The following GPHN variants were observed in gnomAD, a reference collection of about 807,000 sequenced individuals.
GPHN encodes gephyrin.
A neutral mutation model predicts 95.5 loss-of-function variants in GPHN; 17 were observed. That is an observed-to-expected ratio of 0.18 (90% CI 0.12 to 0.27). The LOEUF (loss-of-function observed/expected upper bound fraction) is 0.27, where lower values mean the gene tolerates loss of function less well. Among genes scored for constraint, GPHN ranks in the 10% least tolerant of loss-of-function variants. The pLI is 1.00. For missense variants in GPHN, 660 were observed against 978.1 expected (o/e 0.67, Z 4.34); for synonymous variants, 320 against 322.5 (o/e 0.99, Z 0.08).
At chr14:66,708,357 A>G (rs994967836) in intron 2 of GPHN, among the ~76,000 whole-genome samples, 3 of 152,296 alleles carry the variant, frequency 2.0e-5, no homozygotes, top group East Asian at 3.9e-4. Context: ...TTCAATCTCC[A>G]TGCTTCCACA....
chr14:67,689,912 T>C, the GPHN span, among the ~76,000 whole-genome samples: 5 of 151,628 alleles, frequency 3.3e-5, no homozygotes, highest in African/African-American at 1.2e-4. Flanking sequence ...ACCATTGCAC[T>C]CCAGCATGGG....
intron 9 of GPHN, among the ~76,000 whole-genome samples, chr14:66,967,943 G>A (rs987785307): frequency 2.0e-5 from 3 of 151,804 alleles, no homozygotes; most frequent in Admixed American, 6.6e-5. Flanking sequence ...CACTTTAAAG[G>A]CAGGTGTCAC....
chr14:67,233,022 T>C, the GPHN span, among the ~76,000 whole-genome samples: 2 of 151,882 alleles, frequency 1.3e-5, no homozygotes, highest in Non-Finnish European at 2.9e-5. Context: ...TTCTGGAAAA[T>C]AGAAAAAAAA....
intron 2 of GPHN, among the ~76,000 whole-genome samples, chr14:66,718,891 G>A (rs979296754): frequency 6.6e-6 from 1 of 152,140 alleles, no homozygotes; most frequent in South Asian, 2.1e-4. Context: ...CAGCTGCTGT[G>A]GGGGATGGGG....
At chr14:66,795,478 T>C (rs2060122128) in intron 3 of GPHN, among the ~76,000 whole-genome samples, 1 of 152,172 alleles carries the variant, frequency 6.6e-6, no homozygotes, top group Non-Finnish European at 1.5e-5. Flanking sequence ...CCTTTTTCTC[T>C]TACTTCCTTA....
intron 2 of GPHN, among the ~76,000 whole-genome samples, chr14:66,698,258 A>C (rs1446743303): frequency 6.6e-6 from 1 of 152,112 alleles, no homozygotes; most frequent in Non-Finnish European, 1.5e-5. Context: ...GAGCATTTCA[A>C]AATGGAGAAA....
the GPHN span, among the ~76,000 whole-genome samples, chr14:67,539,127 T>C: frequency 2.0e-5 from 3 of 152,236 alleles, no homozygotes. Flanking sequence ...GTCTCAGATC[T>C]GCCACTTTTC....
At chr14:66,828,348 T>C (rs200276126) in intron 4 of GPHN, among the ~76,000 whole-genome samples, 2 of 152,212 alleles carry the variant, frequency 1.3e-5, no homozygotes, top group East Asian at 3.9e-4. Flanking sequence ...ATAATATTGA[T>C]GTGTCAGAAA....
At chr14:67,641,050 A>C in the GPHN span, among the ~76,000 whole-genome samples, 1 of 152,248 alleles carries the variant, frequency 6.6e-6, no homozygotes, top group East Asian at 1.9e-4. Flanking sequence ...ACTGCCTATC[A>C]GTAGCATATA....
intron 2 of GPHN, among the ~76,000 whole-genome samples, chr14:66,719,721 G>A (rs1479448562): frequency 6.6e-6 from 1 of 152,126 alleles, no homozygotes; most frequent in Non-Finnish European, 1.5e-5. Context: ...CCATGTCATG[G>A]TGAAGAGATT....
intron 5 of GPHN, among the ~76,000 whole-genome samples, chr14:66,889,970 G>C (rs2064390192): frequency 6.6e-6 from 1 of 152,088 alleles, no homozygotes; most frequent in African/African-American, 2.4e-5. Flanking sequence ...GACTAGAAGA[G>C]TACAGCGTAA....
At chr14:66,989,164 CTT>C (rs549591344) in intron 9 of GPHN, among the ~76,000 whole-genome samples, 17 of 151,888 alleles carry the variant, frequency 1.1e-4, no homozygotes, top group Non-Finnish European at 2.1e-4. Context: ...TTGAGCTACT[CTT>C]TGTTTTCTGC....
the GPHN span, among the ~76,000 whole-genome samples, chr14:67,419,982 TG>T: frequency 6.9e-3 from 1,056 of 152,326 alleles, 2 homozygotes; most frequent in Non-Finnish European, 0.012. Context: ...CTCTGATTCT[TG>T]GGTTGGGAAA....
At chr14:67,361,814 CG>C in the GPHN span, among the ~76,000 whole-genome samples, 2 of 152,106 alleles carry the variant, frequency 1.3e-5, no homozygotes, top group Non-Finnish European at 2.9e-5. Flanking sequence ...GATTTGATGT[CG>C]GATTACTTGA....
At chr14:67,059,209 G>A (rs1233050353) in intron 11 of GPHN, among the ~76,000 whole-genome samples, 1 of 151,918 alleles carries the variant, frequency 6.6e-6, no homozygotes, top group Non-Finnish European at 1.5e-5. Context: ...TGGAAAACCT[G>A]TATTTAAATG....
At chr14:66,955,311 C>T (rs2068413667) in intron 8 of GPHN, among the ~76,000 whole-genome samples, 1 of 151,992 alleles carries the variant, frequency 6.6e-6, no homozygotes, top group Non-Finnish European at 1.5e-5. Context: ...TTTTCTATTT[C>T]TTCTTGAGTT....
Position 66,826,221 on chromosome 14 carries a change from G to T in GPHN, c.294+1655G>T, listed in dbSNP as rs545827824. Among the ~76,000 whole-genome samples, 49 of 152,084 alleles carry T rather than the reference G, an allele frequency of 3.2e-4. 7 individuals are homozygous for T. Among genetic ancestry groups the T allele is most frequent in the Admixed American group, 2.8e-3 (43 of 15,260 alleles). Reference sequence around the variant, plus strand: ...TCACAAAATGTTTTGTATCCTACTGGGCTTTCAGTTAATACAAAATGCTAG... The same window carrying T: ...TCACAAAATGTTTTGTATCCTACTGTGCTTTCAGTTAATACAAAATGCTAG... On this transcript the variant is annotated intron_variant, in intron 4 of 22. Coordinates refer to ENST00000478722, the MANE Select transcript of GPHN (RefSeq NM_020806.5).
chr14:66,910,488 A>C (rs112993482), intron 5 of GPHN, among the ~76,000 whole-genome samples: 2,298 of 152,066 alleles, frequency 0.015, 32 homozygotes, highest in Non-Finnish European at 0.018. Flanking sequence ...AATTACTTTT[A>C]TACAGTAAAA....
At chr14:67,647,049 G>A in the GPHN span, 1 of 1,475,788 alleles carries the variant, frequency 6.8e-7, no homozygotes, top group South Asian at 1.1e-5. Flanking sequence ...ACTGATGTCA[G>A]GGCAAACCCC....
Sources: gnomAD v4.1 joint callset for allele counts (sites outside exome capture counted in the v4.1 genomes callset) on GRCh38, gnomAD v4.1.1 for gene constraint, MANE v1.5 for transcripts, NCBI Gene and HGNC (gene_info 2026-07-23, HGNC 2026-07-21) for gene names.